Variants in MAP3K13 observed in about 807,000 individuals in gnomAD.
MAP3K13 encodes the protein mitogen-activated protein kinase kinase kinase 13, also known as leucine zipper-bearing kinase.
MAP3K13 carries 52 observed loss-of-function variants against 104.0 expected under a neutral mutation model. That is an observed-to-expected ratio of 0.50 (90% CI 0.40 to 0.63). MAP3K13 has a LOEUF of 0.63. MAP3K13 is among the 20% of genes least tolerant of loss of function. The probability of loss-of-function intolerance (pLI) is 0.00; values close to 1 mark genes in which losing one functional copy is unlikely to be tolerated. For missense variants in MAP3K13, 914 were observed against 1,218.5 expected, an observed-to-expected ratio of 0.75 and a Z score of 3.72; for synonymous variants, 394 against 442.2, an observed-to-expected ratio of 0.89 and a Z score of 1.37.
chr3:185,482,643 T>C lies in MAP3K13; in HGVS notation c.*187T>C. 1 of 537,300 alleles carries C rather than the reference T, an allele frequency of 1.9e-6. No individual in the cohort carries two copies. The highest frequency in any genetic ancestry group is 3.3e-6 in the Non-Finnish European group (1 of 302,182). The allele number at this position is 537,300 out of a possible 1,614,324, so 33.3% of individuals were successfully genotyped here. On this transcript the variant is annotated 3_prime_UTR_variant, in exon 14 of 14. Coordinates refer to ENST00000265026, the MANE Select transcript of MAP3K13 (RefSeq NM_004721.5). This position sits in a 1 kb window ranked among gnomAD's most constrained non-coding sequence, Gnocchi z 4.5. Reference sequence around the variant, plus strand: ...CTTCGCAAATCTCTGGAAAATAATATCCAAATGAAATTAAGTCTCACTGAA... The same window carrying C: ...CTTCGCAAATCTCTGGAAAATAATACCCAAATGAAATTAAGTCTCACTGAA...
chr3:185,329,635 C>A (rs1371284266), intron 2 of MAP3K13, among the ~76,000 whole-genome samples: 1 of 152,306 alleles, frequency 6.6e-6, no homozygotes, highest in Non-Finnish European at 1.5e-5. Flanking sequence ...TACTATGGTG[C>A]GTAAAATGAG....
At chr3:185,466,801 T>A (rs1577609198) in intron 9 of MAP3K13, 25 bp from the exon 10 acceptor site, 2 of 1,613,792 alleles carry the variant, frequency 1.2e-6, no homozygotes. Context: ...ATGACTGAGG[T>A]GTGGCTTTTG....
At chr3:185,342,404 T>A (rs1188390392) in intron 2 of MAP3K13, among the ~76,000 whole-genome samples, 1 of 152,216 alleles carries the variant, frequency 6.6e-6, no homozygotes, top group Non-Finnish European at 1.5e-5. Context: ...TTTTGCTATT[T>A]TAGAAACATA....
intron 2 of MAP3K13, among the ~76,000 whole-genome samples, chr3:185,319,886 T>C (rs1202970565): frequency 1.3e-5 from 2 of 152,198 alleles, no homozygotes; most frequent in East Asian, 1.9e-4. Context: ...GTAGGCAATG[T>C]TAAAAAGTGA....
intron 8 of MAP3K13, among the ~76,000 whole-genome samples, chr3:185,464,466 T>C (rs1717295672): frequency 6.6e-6 from 1 of 152,148 alleles, no homozygotes. Flanking sequence ...TGATAATGGG[T>C]GAGTTCTCAG....
At chr3:185,441,623 C>T (rs1408900630) in intron 3 of MAP3K13, among the ~76,000 whole-genome samples, 1 of 152,146 alleles carries the variant, frequency 6.6e-6, no homozygotes, top group Non-Finnish European at 1.5e-5. Context: ...GTTGTATAGG[C>T]TGGATGCAGT....
chr3:185,447,840 T>C lies in MAP3K13; in HGVS notation c.903T>C (p.Ser301=), dbSNP rs1375375601. The change falls in exon 5 of 14, where the codon TCT becomes TCC. Residue 301 remains serine, a synonymous_variant. Transcript: ENST00000265026. ...TAAAAATTTCAGATTTTGGTACATC[T>C]AAGGAACTCAGTGACAAAAGTACCA... ...DAVKISDFGT[S]KELSDKSTKM... The C allele has an allele frequency of 2.5e-6, 4 of 1,613,860 alleles. No individual in the cohort carries two copies. The highest frequency in any genetic ancestry group is 3.4e-6 in the Non-Finnish European group (4 of 1,179,906).
rs182669994 is a variant in MAP3K13 at position 185,414,658 on chromosome 3, T to C, written c.-85-13839T>C. On this transcript the variant is annotated intron_variant, in intron 1 of 13. Coordinates refer to ENST00000265026, the MANE Select transcript of MAP3K13 (RefSeq NM_004721.5). ...ATCTGCAGCTTTGTGAGAACTTTCA[T>C]ATATGTCATTGGAAGTCGAAGTCTG... 8.1e-4 allele frequency among the ~76,000 whole-genome samples: 124 copies of C among 152,244 alleles called. 1 individual carries two copies. The highest frequency in any genetic ancestry group is 5.8e-4 in the East Asian group (3 of 5,178).
intron 7 of MAP3K13, among the ~76,000 whole-genome samples, chr3:185,462,065 G>C (rs1377692802): frequency 1.3e-5 from 2 of 152,078 alleles, no homozygotes; most frequent in African/African-American, 4.8e-5. Context: ...GAATCTAAAG[G>C]TAGTAGAATA....
At chr3:185,344,013 A>T (rs955743274) in intron 2 of MAP3K13, among the ~76,000 whole-genome samples, 7 of 152,254 alleles carry the variant, frequency 4.6e-5, no homozygotes, top group African/African-American at 1.7e-4. Context: ...AATGTGATGG[A>T]TCACAAATCT....
chr3:185,293,317 C>T (rs1029100075), intron 2 of MAP3K13, among the ~76,000 whole-genome samples: 23 of 152,062 alleles, frequency 1.5e-4, no homozygotes, highest in African/African-American at 5.5e-4. Flanking sequence ...GGGGTTTCGC[C>T]ATGTTGGCCA....
chr3:185,418,037 G>A lies in MAP3K13; in HGVS notation c.-85-10460G>A, dbSNP rs976829943. On this transcript the variant is annotated intron_variant, in intron 1 of 13. Coordinates refer to ENST00000265026, the MANE Select transcript of MAP3K13 (RefSeq NM_004721.5). This position sits in a 1 kb window ranked among gnomAD's most constrained non-coding sequence, Gnocchi z 4.5. The stretch of plus-strand genomic sequence containing the variant: ...GCACTTTCAGTCCAAATGCAGAAAC[G>A]TCCCACATGCCCACCAGGAGCAAGC... The A allele has an allele frequency of 1.7e-5, 27 of 1,611,648 alleles. No homozygotes were observed. Among genetic ancestry groups the A allele is most frequent in the Middle Eastern group, 2.2e-4 (1 of 4,480 alleles).
intron 2 of MAP3K13, among the ~76,000 whole-genome samples, chr3:185,344,489 A>G (rs1577445940): frequency 6.6e-6 from 1 of 152,150 alleles, no homozygotes; most frequent in African/African-American, 2.4e-5. Flanking sequence ...CTGCTCTGCT[A>G]TACACTATAC....
intron 2 of MAP3K13, among the ~76,000 whole-genome samples, chr3:185,320,805 T>A (rs957403162): frequency 1.6e-4 from 15 of 91,460 alleles, no homozygotes; most frequent in Admixed American, 1.2e-3. Flanking sequence ...TGTATTTTAA[T>A]TTATTTGGCA....
At chr3:185,344,054 CATT>C (rs531713992) in intron 2 of MAP3K13, among the ~76,000 whole-genome samples, 1 of 152,220 alleles carries the variant, frequency 6.6e-6, no homozygotes, top group Non-Finnish European at 1.5e-5. Flanking sequence ...TGTGTTCATT[CATT>C]TAGAAAATTG....
intron 2 of MAP3K13, among the ~76,000 whole-genome samples, chr3:185,327,373 CAT>C (rs1320300768): frequency 6.6e-6 from 1 of 152,184 alleles, no homozygotes; most frequent in Non-Finnish European, 1.5e-5. Context: ...TGGAAGGTAA[CAT>C]ATTCACAGGT....
rs1476717713 is a variant in MAP3K13 at position 185,473,384 on chromosome 3, A to C, written c.2053A>C (p.Asn685His). 6.2e-7 allele frequency: 1 copy of C among 1,614,102 alleles called. No individual in the cohort carries two copies. Among genetic ancestry groups the C allele is most frequent in the Non-Finnish European group, 8.5e-7 (1 of 1,180,044 alleles). Reference protein sequence around the residue: ...PAAALRSPLSNHAQRQLPGSS... With the variant: ...PAAALRSPLSHHAQRQLPGSS... ...AGCAGCCCTGCGGAGCCCACTCAGCAACCATGCTCAGAGACAGCTGCCCGG... is the reference window on the plus strand; with the variant it reads ...AGCAGCCCTGCGGAGCCCACTCAGCCACCATGCTCAGAGACAGCTGCCCGG... Residue 685 changes from asparagine to histidine, a missense_variant, in exon 11 of 14, where the codon AAC becomes CAC. By Grantham distance (68) the Asn-to-His change is moderately conservative (BLOSUM62 1). This residue lies in a region of MAP3K13 where 583 missense variants were observed against 737.4 expected (regional missense o/e 0.79). Transcript: ENST00000265026. The surrounding 1 kb of genome is among the most constrained non-coding windows in gnomAD (Gnocchi z 4.9).
At chr3:185,452,700 C>T (rs1257446465) in intron 7 of MAP3K13, among the ~76,000 whole-genome samples, 2 of 152,172 alleles carry the variant, frequency 1.3e-5, no homozygotes, top group Non-Finnish European at 2.9e-5. Context: ...GGTCCTAGGA[C>T]GGTCTCATTC....
At position 185,466,834 on chromosome 3, in the gene MAP3K13, A is replaced by C. The variant is rs1412904932; in HGVS notation, c.1514A>C (p.Gln505Pro). Reference protein sequence around the residue: ...MREKELIKREQAVEKKYPGTY... With the variant: ...MREKELIKREPAVEKKYPGTY... Reference sequence around the variant, plus strand: ...TTGCCTTTATTCTGCAGGCGTGAGCAAGCAGTGGAAAAGAAGTATCCTGGG... The same window carrying C: ...TTGCCTTTATTCTGCAGGCGTGAGCCAGCAGTGGAAAAGAAGTATCCTGGG... The change falls in exon 10 of 14, where the codon CAA (glutamine) becomes CCA (proline). Residue 505 changes from glutamine to proline, a missense_variant. Around this residue, in one of 3 missense-constraint regions of MAP3K13, gnomAD observed 583 missense variants for 737.4 expected, o/e 0.79. Transcript: ENST00000265026. The C allele has an allele frequency of 6.2e-7, 1 of 1,613,842 alleles. No homozygotes were observed. The highest frequency in any genetic ancestry group is 8.5e-7 in the Non-Finnish European group (1 of 1,179,852).
Sources: gnomAD v4.1 joint callset for allele counts (sites outside exome capture counted in the v4.1 genomes callset) on GRCh38, gnomAD v4.1.1 for gene constraint, gnomAD v4.1.1 regional missense constraint, Gnocchi (gnomAD v3.1) non-coding constraint, MANE v1.5 for transcripts, NCBI Gene and HGNC (gene_info 2026-07-23, HGNC 2026-07-21) for gene names.